The following RAB11FIP3 variants were observed in gnomAD, a reference collection of about 807,000 sequenced individuals.
The protein encoded by RAB11FIP3 is RAB11 family interacting protein 3, also known as rab11 family-interacting protein 3.
RAB11FIP3 carries 17 observed loss-of-function variants against 77.8 expected under a neutral mutation model. The observed-to-expected ratio is 0.22, with a 90% confidence interval of 0.15 to 0.33. The LOEUF (loss-of-function observed/expected upper bound fraction) is 0.33. Among genes scored for constraint, RAB11FIP3 ranks in the 10% least tolerant of loss-of-function variants. The pLI is 1.00. For missense variants in RAB11FIP3, 1,005 were observed against 1,011.2 expected, an observed-to-expected ratio of 0.99 and a Z score of 0.08; for synonymous variants, 437 against 448.2, an observed-to-expected ratio of 0.98 and a Z score of 0.31.
chr16:518,271 G>A (rs906284195), intron 9 of RAB11FIP3, among the ~76,000 whole-genome samples: 1 of 152,178 alleles, frequency 6.6e-6, no homozygotes, highest in African/African-American at 2.4e-5. Context: ...ATAGAGATGG[G>A]GGTCTCACTA....
At chr16:492,540 A>AGGGCCCTCCCCGGGAGACCCGAG (rs2030655052) in intron 5 of RAB11FIP3, among the ~76,000 whole-genome samples, 1 of 137,800 alleles carries the variant, frequency 7.3e-6, no homozygotes. Flanking sequence ...GAGGCCGTCC[A>AGGGCCCTCCCCGGGAGACCCGAG]GAATCTTGGA....
chr16:474,581 G>A (rs2055866494), intron 3 of RAB11FIP3, among the ~76,000 whole-genome samples: 1 of 152,134 alleles, frequency 6.6e-6, no homozygotes, highest in Non-Finnish European at 1.5e-5. Context: ...GGGAAAGTCA[G>A]GGAGTGTAAG....
At chr16:520,076 C>G (rs1469326019) in intron 11 of RAB11FIP3, 46 bp from the exon 12 acceptor site, 1 of 1,539,406 alleles carries the variant, frequency 6.5e-7, no homozygotes, top group South Asian at 1.2e-5. Context: ...TGACGGTGGC[C>G]CCTGGGAGCC....
intron 3 of RAB11FIP3, among the ~76,000 whole-genome samples, chr16:473,464 C>G (rs993839484): frequency 6.6e-6 from 1 of 152,196 alleles, no homozygotes; most frequent in African/African-American, 2.4e-5. Flanking sequence ...ACGGTCTGCT[C>G]TATTACTCAG....
In RAB11FIP3 at chr16:514,376, C is replaced by T. The variant is rs959152319; in HGVS notation, c.1640+3576C>T. ...AAAGACACTGTCTCAGTCCGGGGTCCTCAGGAGCAGAGGATCTGGAGGCAG... is the reference window on the plus strand; with the variant it reads ...AAAGACACTGTCTCAGTCCGGGGTCTTCAGGAGCAGAGGATCTGGAGGCAG... On this transcript the variant is annotated intron_variant, in intron 9 of 13. Coordinates refer to ENST00000262305, the MANE Select transcript of RAB11FIP3 (RefSeq NM_014700.4). This position sits in a 1 kb window ranked among gnomAD's most constrained non-coding sequence, Gnocchi z 4.6. Among the ~76,000 whole-genome samples the T allele has an allele frequency of 1.3e-5, 2 of 152,216 alleles. No individual in the cohort carries two copies. The highest frequency in any genetic ancestry group is 6.5e-5 in the Admixed American group (1 of 15,280).
rs1034826060 is a variant in RAB11FIP3 at position 521,592 on chromosome 16, G to T, written c.*753G>T. On this transcript the variant is annotated 3_prime_UTR_variant, in exon 14 of 14. Coordinates refer to ENST00000262305, the MANE Select transcript of RAB11FIP3 (RefSeq NM_014700.4). ...GGGGCTCTGACCACCTATGGGGGCC[G>T]GGCAGGAGCCTCTGGGGCCTCCACT... The T allele has an allele frequency of 6.6e-6, 1 of 152,564 alleles. No homozygotes were observed. Among genetic ancestry groups the T allele is most frequent in the East Asian group, 1.9e-4 (1 of 5,204 alleles). 9.5% of individuals were successfully genotyped at this position (152,564 alleles called of 1,614,324 possible). A position where few individuals can be genotyped will look rare whatever the true frequency, so the allele number is the denominator to read the frequency against.
chr16:489,074 G>A, intron 5 of RAB11FIP3, 74 bp downstream of exon 5: 1 of 1,478,054 alleles, frequency 6.8e-7, no homozygotes, highest in Non-Finnish European at 9.0e-7. Context: ...TTCCCTTTTT[G>A]GTTCGTGCAT....
chr16:432,375 C>G (rs896919337), intron 1 of RAB11FIP3, among the ~76,000 whole-genome samples: 1 of 151,080 alleles, frequency 6.6e-6, no homozygotes, highest in Admixed American at 6.6e-5. Context: ...GAAACTGTCT[C>G]GAAAAACTAA....
chr16:459,624 A>T (rs1567369007), intron 1 of RAB11FIP3, among the ~76,000 whole-genome samples: 1 of 151,014 alleles, frequency 6.6e-6, no homozygotes, highest in Non-Finnish European at 1.5e-5. Context: ...TTTAGTAGAG[A>T]TGGGGTTTTG....
Position 505,407 on chromosome 16 carries a change from G to A in RAB11FIP3, c.1396-117G>A. Reference sequence around the variant, plus strand: ...GTTGGATCCAACACCAGCCTAGCTAGGTGGATCTGATTCTGTGCTGAGAAA... The same window carrying A: ...GTTGGATCCAACACCAGCCTAGCTAAGTGGATCTGATTCTGTGCTGAGAAA... On this transcript the variant is annotated intron_variant, in intron 7 of 13. Transcript: ENST00000262305. This position sits in a 1 kb window ranked among gnomAD's most constrained non-coding sequence, Gnocchi z 4.0. 1.3e-6 allele frequency: 1 copy of A among 741,194 alleles called. No individual in the cohort carries two copies. The highest frequency in any genetic ancestry group is 2.7e-5 in the East Asian group (1 of 36,712). The allele number at this position is 741,194 out of a possible 1,614,324, so 45.9% of individuals were successfully genotyped here.
intron 8 of RAB11FIP3, among the ~76,000 whole-genome samples, chr16:508,341 C>T (rs1324383404): frequency 1.3e-5 from 2 of 152,196 alleles, no homozygotes; most frequent in Admixed American, 1.3e-4. Flanking sequence ...CCGTGCTGTG[C>T]ACCTGGTTTT....
intron 1 of RAB11FIP3, among the ~76,000 whole-genome samples, chr16:427,019 C>G (rs1375858757): frequency 6.6e-6 from 1 of 152,078 alleles, no homozygotes; most frequent in Non-Finnish European, 1.5e-5. Context: ...GGACACCCCC[C>G]CAGGGGGCCT....
chr16:491,170 C>G (rs751377152), intron 5 of RAB11FIP3: 29 of 1,303,998 alleles, frequency 2.2e-5, no homozygotes, highest in Non-Finnish European at 2.6e-5. Flanking sequence ...ACAGCATCCT[C>G]ACTGATGAGG....
At chr16:466,829 AGATGGGCCT>A (rs2055708712) in intron 2 of RAB11FIP3, among the ~76,000 whole-genome samples, 1 of 152,182 alleles carries the variant, frequency 6.6e-6, no homozygotes, top group Non-Finnish European at 1.5e-5. Flanking sequence ...AGCAGCTGAC[AGATGGGCCT>A]GGGAGGGCTC....
chr16:495,892 A>C (rs919713573), intron 5 of RAB11FIP3, among the ~76,000 whole-genome samples: 11 of 152,144 alleles, frequency 7.2e-5, no homozygotes, highest in Admixed American at 3.3e-4. Flanking sequence ...CTGGGATTAC[A>C]GGCATGCGCC....
Position 521,058 on chromosome 16 carries a change from G to A in RAB11FIP3, c.*219G>A, listed in dbSNP as rs1380052896. 11 of 588,496 alleles carry A rather than the reference G, an allele frequency of 1.9e-5. No individual in the cohort carries two copies. The highest frequency in any genetic ancestry group is 1.0e-4 in the South Asian group (5 of 49,532). The allele number at this position is 588,496 out of a possible 1,614,324, so 36.5% of individuals were successfully genotyped here. A position where few individuals can be genotyped will look rare whatever the true frequency, so the allele number is the denominator to read the frequency against. ...GGGAGAAAGGGAAGTCCCAGGGCCCGGGGTCCACAGAGGATGAGGGTTGTG... is the reference window on the plus strand; with the variant it reads ...GGGAGAAAGGGAAGTCCCAGGGCCCAGGGTCCACAGAGGATGAGGGTTGTG... On this transcript the variant is annotated 3_prime_UTR_variant, in exon 14 of 14. Transcript: ENST00000262305.
intron 3 of RAB11FIP3, among the ~76,000 whole-genome samples, chr16:473,687 G>A (rs896874363): frequency 2.6e-5 from 4 of 151,964 alleles, no homozygotes; most frequent in African/African-American, 9.7e-5. Flanking sequence ...CGATCCACCC[G>A]TCTTGGCCTC....
At chr16:516,191 C>T (rs1470863372) in intron 9 of RAB11FIP3, among the ~76,000 whole-genome samples, 1 of 152,212 alleles carries the variant, frequency 6.6e-6, no homozygotes, top group Non-Finnish European at 1.5e-5. Flanking sequence ...GCCCTTCCCG[C>T]CCAGCCCTGT....
intron 1 of RAB11FIP3, among the ~76,000 whole-genome samples, chr16:459,234 C>T (rs1369939493): frequency 1.3e-5 from 2 of 149,642 alleles, no homozygotes; most frequent in Non-Finnish European, 3.0e-5. Flanking sequence ...TCAAGCAATT[C>T]TCCCGCCTCA....
Sources: allele counts gnomAD v4.1 joint callset (sites outside exome capture counted in the v4.1 genomes callset), GRCh38; gene constraint gnomAD v4.1.1; non-coding constraint Gnocchi (gnomAD v3.1); transcripts MANE v1.5; gene names NCBI Gene and HGNC (gene_info 2026-07-23, HGNC 2026-07-21).